Variants in SUCLG2 observed in about 807,000 individuals in gnomAD.
SUCLG2 encodes succinate--CoA ligase [GDP-forming] subunit beta, mitochondrial.
Under a neutral mutation model 47.9 loss-of-function variants are expected in SUCLG2, and 42 were observed. That is an observed-to-expected ratio of 0.88 (90% CI 0.69 to 1.14). SUCLG2 has a LOEUF of 1.14. SUCLG2 is among the 50% of genes most tolerant of loss of function. The probability of loss-of-function intolerance (pLI) is 0.00; values close to 1 mark genes in which losing one functional copy is unlikely to be tolerated. For synonymous variants in SUCLG2, 195 were observed against 197.3 expected, an observed-to-expected ratio of 0.99 and a Z score of 0.10; for missense variants, 571 against 525.9, an observed-to-expected ratio of 1.09 and a Z score of -0.84.
chr3:67,533,894 T>C (rs574275132), intron 2 of SUCLG2, among the ~76,000 whole-genome samples: 232 of 151,988 alleles, frequency 1.5e-3, no homozygotes, highest in African/African-American at 4.5e-3. Flanking sequence ...GCTTTCAACA[T>C]GTCTGACATG....
chr3:67,643,763 G>C lies in SUCLG2; in HGVS notation c.84+10740C>G, dbSNP rs543159721. Among the ~76,000 whole-genome samples, 24 of 152,182 alleles carry C rather than the reference G, an allele frequency of 1.6e-4. 1 individual carries two copies. In the South Asian group the frequency reaches 2.7e-3, roughly 17 times the overall value. On this transcript the variant is annotated intron_variant, in intron 1 of 10. Transcript: ENST00000307227. ...TACAAACCCACCATCTGCAACCTCC[G>C]CCTCCCAGGTTCAACTGATTCTCCT...
chr3:67,637,777 G>C (rs1575835219), intron 1 of SUCLG2, among the ~76,000 whole-genome samples: 1 of 152,120 alleles, frequency 6.6e-6, no homozygotes, highest in Admixed American at 6.5e-5. Context: ...AGTTCAGAAA[G>C]GGAGCATCCA....
At chr3:67,524,208 T>C (rs1706194683) in intron 4 of SUCLG2, among the ~76,000 whole-genome samples, 1 of 152,184 alleles carries the variant, frequency 6.6e-6, no homozygotes, top group Non-Finnish European at 1.5e-5. Context: ...ATTAGAAACA[T>C]TTCAAAAGAG....
At chr3:67,423,518 C>T (rs1703222717) in intron 9 of SUCLG2, among the ~76,000 whole-genome samples, 1 of 152,088 alleles carries the variant, frequency 6.6e-6, no homozygotes, top group African/African-American at 2.4e-5. Context: ...TTCCCTCCTC[C>T]CAACATCCAC....
At chr3:67,381,416 T>A (rs1354110134) in intron 10 of SUCLG2, among the ~76,000 whole-genome samples, 1 of 152,168 alleles carries the variant, frequency 6.6e-6, no homozygotes, top group African/African-American at 2.4e-5. Flanking sequence ...TCTCCCTGCC[T>A]TTACTTCTAA....
At chr3:67,577,459 C>T (rs1047000049) in intron 2 of SUCLG2, among the ~76,000 whole-genome samples, 5 of 151,984 alleles carry the variant, frequency 3.3e-5, no homozygotes, top group African/African-American at 7.3e-5. Flanking sequence ...AGAAAAAAAA[C>T]GAATTGCACT....
At chr3:67,424,884 C>A (rs1027794534) in intron 9 of SUCLG2, among the ~76,000 whole-genome samples, 5 of 152,134 alleles carry the variant, frequency 3.3e-5, no homozygotes, top group African/African-American at 9.6e-5. Flanking sequence ...CCACTTTTAG[C>A]CAATCTGAAC....
Position 67,596,625 on chromosome 3 carries a change from C to T in SUCLG2, c.226+12830G>A, listed in dbSNP as rs114306341. On this transcript the variant is annotated intron_variant, in intron 2 of 10. Transcript: ENST00000307227. ...ATCTGTCTCTCTACCAAGCAGTGAA[C>T]GTCTTGGAAGCACCAACTATTTGTA... 6.5e-3 allele frequency among the ~76,000 whole-genome samples: 993 copies of T among 152,266 alleles called. 10 individuals are homozygous for T. The highest frequency in any genetic ancestry group is 0.022 in the African/African-American group (911 of 41,536).
At position 67,375,133 on chromosome 3, in the gene SUCLG2, G is replaced by A; in HGVS notation, c.*611C>T. On this transcript the variant is annotated 3_prime_UTR_variant, in exon 11 of 11. Transcript: ENST00000307227. ...AGGCAAATGGTAAAAACACATGGAT[G>A]GTATATTAATGCAGATATTCCATTA... is the stretch of plus-strand genomic sequence containing the variant. 1 of 985,242 alleles carries A rather than the reference G, an allele frequency of 1.0e-6. No homozygotes were observed. Among genetic ancestry groups the A allele is most frequent in the Non-Finnish European group, 1.2e-6 (1 of 829,612 alleles). 61.0% of individuals were successfully genotyped at this position (985,242 alleles called of 1,614,324 possible). A position where few individuals can be genotyped will look rare whatever the true frequency, so the allele number is the denominator to read the frequency against.
At chr3:67,476,754 C>A (rs1704770714) in intron 9 of SUCLG2, among the ~76,000 whole-genome samples, 1 of 152,128 alleles carries the variant, frequency 6.6e-6, no homozygotes, top group Non-Finnish European at 1.5e-5. Flanking sequence ...AACAATGTAG[C>A]TACCAGGCTA....
chr3:67,567,554 T>G (rs1322755253), intron 2 of SUCLG2, among the ~76,000 whole-genome samples: 1 of 152,162 alleles, frequency 6.6e-6, no homozygotes, highest in Admixed American at 6.5e-5. Flanking sequence ...GCTGGGATTA[T>G]AGGCATAAGC....
In SUCLG2 at chr3:67,478,231, C is replaced by T. The variant is rs557649218; in HGVS notation, c.1062+17567G>A. Among the ~76,000 whole-genome samples the T allele has an allele frequency of 2.0e-4, 30 of 152,324 alleles. No homozygotes were observed. In the East Asian group the frequency reaches 3.7e-3, roughly 19 times the overall value. ...CCCATAGCCCTGAAGACGGCCACCA[C>T]GGCCACAATTTTATGGAATGACAAC... On this transcript the variant is annotated intron_variant, in intron 9 of 10. Transcript: ENST00000307227.
chr3:67,555,272 A>G (rs1707128158), intron 2 of SUCLG2, among the ~76,000 whole-genome samples: 2 of 152,174 alleles, frequency 1.3e-5, no homozygotes, highest in Admixed American at 1.3e-4. Flanking sequence ...CAGGTAGACA[A>G]ATAAATGGTT....
intron 9 of SUCLG2, among the ~76,000 whole-genome samples, chr3:67,411,031 T>C (rs996740465): frequency 5.3e-5 from 8 of 152,190 alleles, no homozygotes; most frequent in African/African-American, 1.7e-4. Context: ...TCATCATTTG[T>C]TGGAGAGTTA....
chr3:67,608,904 T>A (rs1700477315), intron 2 of SUCLG2, among the ~76,000 whole-genome samples: 1 of 152,150 alleles, frequency 6.6e-6, no homozygotes. Flanking sequence ...CTCAAACTCC[T>A]GGACTCAAGT....
intron 9 of SUCLG2, among the ~76,000 whole-genome samples, chr3:67,478,810 C>T (rs374279954): frequency 4.6e-5 from 7 of 152,158 alleles, no homozygotes; most frequent in African/African-American, 1.7e-4. Context: ...ATACCCTCAT[C>T]GGGTCAGCGT....
At chr3:67,495,397 G>A (rs960692019) in intron 9 of SUCLG2, among the ~76,000 whole-genome samples, 2 of 152,138 alleles carry the variant, frequency 1.3e-5, no homozygotes, top group African/African-American at 4.8e-5. Context: ...GCTCATGCCT[G>A]TAATTTCAGC....
At chr3:67,382,188 A>G (rs968395653) in intron 10 of SUCLG2, among the ~76,000 whole-genome samples, 3 of 152,214 alleles carry the variant, frequency 2.0e-5, no homozygotes, top group Non-Finnish European at 4.4e-5. Context: ...TAAGGGATTT[A>G]CAAGTATCAT....
chr3:67,555,766 A>C (rs1166246991), intron 2 of SUCLG2, among the ~76,000 whole-genome samples: 1 of 152,224 alleles, frequency 6.6e-6, no homozygotes, highest in East Asian at 1.9e-4. Flanking sequence ...TGGAAATGAG[A>C]ATACCAATTG....
Sources: allele counts gnomAD v4.1 joint callset (sites outside exome capture counted in the v4.1 genomes callset), GRCh38; gene constraint gnomAD v4.1.1; transcripts MANE v1.5; gene names NCBI Gene and HGNC (gene_info 2026-07-23, HGNC 2026-07-21).